SAMD3: variants seen among roughly 807,000 people sequenced by gnomAD.
SAMD3 encodes the protein sterile alpha motif domain containing 3.
In SAMD3, 63 loss-of-function variants were observed where a neutral mutation model predicts 58.5. The observed-to-expected ratio is 1.08, with a 90% CI of 0.88 to 1.33. SAMD3 has a LOEUF of 1.33. Ranked by LOEUF, SAMD3 falls within the 40% of genes most tolerant of loss-of-function variation. The pLI, the probability that SAMD3 is intolerant of heterozygous loss-of-function variation, is 0.00. For missense variants in SAMD3, 604 were observed against 608.4 expected, an observed-to-expected ratio of 0.99 and a Z score of 0.08; for synonymous variants, 220 against 210.3, an observed-to-expected ratio of 1.05 and a Z score of -0.40.
At chr6:130,164,038 A>T (rs1790499428) in intron 8 of SAMD3, among the ~76,000 whole-genome samples, 1 of 151,752 alleles carries the variant, frequency 6.6e-6, no homozygotes, top group Non-Finnish European at 1.5e-5. Flanking sequence ...ACATCCTAAA[A>T]GCATTTATCA....
At chr6:130,361,830 A>T (rs76159611) in intron 1 of SAMD3, among the ~76,000 whole-genome samples, 2,798 of 152,292 alleles carry the variant, frequency 0.018, 26 homozygotes, top group Non-Finnish European at 0.027. Context: ...GGGAAGTATC[A>T]CTCACACAGT....
intron 5 of SAMD3, among the ~76,000 whole-genome samples, chr6:130,207,501 C>T (rs1562447533): frequency 2.0e-5 from 3 of 152,170 alleles, no homozygotes; most frequent in South Asian, 4.1e-4. Context: ...TCTACCCACA[C>T]TTCCACAGTT....
At chr6:130,344,825 CAAAAAAAAAAA>C (rs56795907) in intron 1 of SAMD3, among the ~76,000 whole-genome samples, 21 of 41,110 alleles carry the variant, frequency 5.1e-4, no homozygotes, top group African/African-American at 1.8e-3. Flanking sequence ...ACAACAACAG[CAAAAAAAAAAA>C]AAAAAAAAAA....
chr6:130,181,435 A>G (rs1792322912), intron 7 of SAMD3, among the ~76,000 whole-genome samples: 1 of 152,174 alleles, frequency 6.6e-6, no homozygotes, highest in South Asian at 2.1e-4. Context: ...ACATCCATCC[A>G]GGCACCAGAG....
intron 1 of SAMD3, among the ~76,000 whole-genome samples, chr6:130,328,108 C>A (rs1373607257): frequency 6.6e-6 from 1 of 152,190 alleles, no homozygotes; most frequent in Non-Finnish European, 1.5e-5. Context: ...AATTCACCTG[C>A]TGATCAATGT....
chr6:130,220,342 A>G (rs1156632449), intron 1 of SAMD3, among the ~76,000 whole-genome samples: 1 of 152,162 alleles, frequency 6.6e-6, no homozygotes, highest in African/African-American at 2.4e-5. Flanking sequence ...CTTATCTGGG[A>G]GGTTTAGTTA....
At chr6:130,332,780 A>C (rs1776973566) in intron 1 of SAMD3, among the ~76,000 whole-genome samples, 1 of 152,194 alleles carries the variant, frequency 6.6e-6, no homozygotes, top group South Asian at 2.1e-4. Context: ...AGGGAACCCT[A>C]GGTCCCGAGA....
chr6:130,162,376 A>G lies in SAMD3; in HGVS notation c.823-7351T>C, dbSNP rs1790353538. The G allele has an allele frequency of 7.6e-6, 5 of 660,780 alleles. No homozygotes were observed. In the South Asian group the frequency reaches 8.4e-5, roughly 11 times the overall value. 40.9% of individuals were successfully genotyped at this position (660,780 alleles called of 1,614,324 possible). On this transcript the variant is annotated intron_variant, in intron 8 of 11. Transcript: ENST00000439090. ...AGACGGCATGGTTAAAAATGTAGTTATAGCTTTTTTATCTCCCAGAAATGA... is the reference window on the plus strand; with the variant it reads ...AGACGGCATGGTTAAAAATGTAGTTGTAGCTTTTTTATCTCCCAGAAATGA...
chr6:130,196,641 C>A (rs1582885904), intron 5 of SAMD3, among the ~76,000 whole-genome samples: 1 of 152,342 alleles, frequency 6.6e-6, no homozygotes. Flanking sequence ...AAGGAAATAA[C>A]TTCTCAGTGT....
chr6:130,336,890 A>G (rs1777117066), intron 1 of SAMD3, among the ~76,000 whole-genome samples: 1 of 152,316 alleles, frequency 6.6e-6, no homozygotes, highest in African/African-American at 2.4e-5. Context: ...GTTTATACTC[A>G]TGCAAATATA....
chr6:130,251,287 C>T (rs763604694), intron 2 of SAMD3, among the ~76,000 whole-genome samples: 45 of 152,274 alleles, frequency 3.0e-4, no homozygotes, highest in Non-Finnish European at 5.6e-4. Context: ...TTGTCTTACA[C>T]TCTTGAGTTG....
At chr6:130,168,121 G>A (rs959721121) in intron 8 of SAMD3, among the ~76,000 whole-genome samples, 3 of 152,184 alleles carry the variant, frequency 2.0e-5, no homozygotes, top group African/African-American at 7.2e-5. Context: ...ACCTGTGGAA[G>A]CCCATGTGAC....
At chr6:130,314,155 T>C (rs1272981742) in intron 1 of SAMD3, among the ~76,000 whole-genome samples, 1 of 152,202 alleles carries the variant, frequency 6.6e-6, no homozygotes, top group Non-Finnish European at 1.5e-5. Flanking sequence ...AGAGGTGTTA[T>C]TAATGGTTTT....
intron 5 of SAMD3, among the ~76,000 whole-genome samples, chr6:130,189,517 T>C (rs1193235153): frequency 1.3e-5 from 2 of 152,242 alleles, no homozygotes; most frequent in Non-Finnish European, 1.5e-5. Context: ...TTGTTTCTTT[T>C]ACTGTACCCG....
intron 1 of SAMD3, among the ~76,000 whole-genome samples, chr6:130,320,694 A>T (rs927238253): frequency 2.6e-5 from 4 of 152,252 alleles, no homozygotes; most frequent in African/African-American, 9.6e-5. Context: ...TGGATTATTG[A>T]TATACTCAAG....
At chr6:130,332,623 G>A (rs1161963046) in intron 1 of SAMD3, among the ~76,000 whole-genome samples, 6 of 152,166 alleles carry the variant, frequency 3.9e-5, no homozygotes, top group Non-Finnish European at 8.8e-5. Context: ...CAATATGGGG[G>A]AATTTTGTGC....
intron 5 of SAMD3, among the ~76,000 whole-genome samples, chr6:130,194,679 C>T (rs372926844): frequency 2.0e-4 from 31 of 152,344 alleles, no homozygotes; most frequent in South Asian, 8.3e-4. Flanking sequence ...TCCTAAGCCG[C>T]GTCCCATCTG....
chr6:130,206,072 C>T (rs1293591762), intron 5 of SAMD3, among the ~76,000 whole-genome samples: 2 of 152,160 alleles, frequency 1.3e-5, no homozygotes, highest in East Asian at 1.9e-4. Context: ...CCATCTCAGC[C>T]CACAGCTCTG....
intron 2 of SAMD3, among the ~76,000 whole-genome samples, chr6:130,260,040 T>C (rs1267357502): frequency 6.6e-6 from 1 of 152,238 alleles, no homozygotes; most frequent in Admixed American, 6.5e-5. Context: ...TTTGAACTAT[T>C]GAGTTCTTAG....
Sources: gnomAD v4.1 joint callset for allele counts (sites outside exome capture counted in the v4.1 genomes callset) on GRCh38, gnomAD v4.1.1 for gene constraint, MANE v1.5 for transcripts, NCBI Gene and HGNC (gene_info 2026-07-23, HGNC 2026-07-21) for gene names.